Variants in CRADD observed in about 807,000 individuals in gnomAD.
CRADD encodes the protein CARD and death domain containing adaptor protein.
Under a neutral mutation model 15.5 loss-of-function variants are expected in CRADD, and 9 were observed. That is an observed-to-expected ratio of 0.58 (90% confidence interval 0.35 to 1.01). The LOEUF (loss-of-function observed/expected upper bound fraction) is 1.01. CRADD is among the 50% of genes least tolerant of loss of function. The probability of loss-of-function intolerance (pLI) is 0.02; values close to 1 mark genes in which losing one functional copy is unlikely to be tolerated. For missense variants in CRADD, 227 were observed against 250.3 expected, an observed-to-expected ratio of 0.91 and a Z score of 0.63; for synonymous variants, 118 against 107.6, an observed-to-expected ratio of 1.10 and a Z score of -0.60.
intron 2 of CRADD, among the ~76,000 whole-genome samples, chr12:93,816,279 C>T (rs142099875): frequency 0.02 from 3,030 of 152,070 alleles, 52 homozygotes; most frequent in South Asian, 0.048. Context: ...TGCAGTGGTG[C>T]GATCTCAGCT....
At chr12:93,763,383 C>G (rs1027541556) in intron 2 of CRADD, among the ~76,000 whole-genome samples, 11 of 149,458 alleles carry the variant, frequency 7.4e-5, no homozygotes, top group African/African-American at 2.7e-4. Flanking sequence ...AAAAAAAAAT[C>G]TGCTCAAAGG....
At chr12:93,762,736 A>C in intron 2 of CRADD, among the ~76,000 whole-genome samples, 1 of 151,858 alleles carries the variant, frequency 6.6e-6, no homozygotes, top group Non-Finnish European at 1.5e-5. Flanking sequence ...CTTTCCTACA[A>C]ACCCTTCCAG....
At chr12:93,744,734 GTAACATCAAATATTACT>G (rs1956727092) in intron 2 of CRADD, among the ~76,000 whole-genome samples, 1 of 152,100 alleles carries the variant, frequency 6.6e-6, no homozygotes, top group South Asian at 2.1e-4. Flanking sequence ...ATAAATCCAA[GTAACATCAAATATTACT>G]TATACATAAT....
chr12:93,849,856 T>C (rs1958188703), intron 2 of CRADD, 114 bp from the exon 3 acceptor site: 10 of 703,716 alleles, frequency 1.4e-5, no homozygotes, highest in East Asian at 2.7e-5. Flanking sequence ...CAAGAGCCAA[T>C]TGGCTCTGCC....
At chr12:93,699,484 AT>A (rs1297303798) in intron 2 of CRADD, among the ~76,000 whole-genome samples, 1 of 152,318 alleles carries the variant, frequency 6.6e-6, no homozygotes, top group East Asian at 1.9e-4. Context: ...TAGCATTTGA[AT>A]ACTAACCACA....
chr12:93,832,304 G>C, intron 2 of CRADD, among the ~76,000 whole-genome samples: 1 of 152,088 alleles, frequency 6.6e-6, no homozygotes, highest in Non-Finnish European at 1.5e-5. Context: ...GATTTTGCTT[G>C]GTAAATTTGC....
intron 2 of CRADD, among the ~76,000 whole-genome samples, chr12:93,885,808 G>A (rs941313893): frequency 2.6e-5 from 4 of 152,152 alleles, no homozygotes; most frequent in Non-Finnish European, 5.9e-5. Context: ...GGAGGCCGAG[G>A]CAGGTGGATC....
intron 2 of CRADD, among the ~76,000 whole-genome samples, chr12:93,753,004 G>T (rs145823700): frequency 1.3e-4 from 20 of 152,208 alleles, no homozygotes; most frequent in Admixed American, 9.8e-4. Flanking sequence ...TGAGAACAGC[G>T]CAGGAAAGAC....
At chr12:93,857,024 G>A (rs1427948388) in intron 2 of CRADD, among the ~76,000 whole-genome samples, 1 of 152,064 alleles carries the variant, frequency 6.6e-6, no homozygotes, top group Non-Finnish European at 1.5e-5. Context: ...ACAGTTCAGT[G>A]AGCCAATTAA....
intron 2 of CRADD, among the ~76,000 whole-genome samples, chr12:93,711,055 C>CCCCCCCCTTTT: frequency 3.2e-4 from 14 of 43,506 alleles, no homozygotes; most frequent in African/African-American, 5.1e-4. Flanking sequence ...CCACCCCCGC[C>CCCCCCCCTTTT]TTTTTTTTTT....
intron 2 of CRADD, among the ~76,000 whole-genome samples, chr12:93,794,931 A>G (rs1291471985): frequency 6.6e-6 from 1 of 152,150 alleles, no homozygotes; most frequent in African/African-American, 2.4e-5. Flanking sequence ...AGATCACCAT[A>G]AGGCTGGCTT....
intron 2 of CRADD, among the ~76,000 whole-genome samples, chr12:93,691,701 A>G (rs1486802036): frequency 6.6e-6 from 1 of 152,182 alleles, no homozygotes; most frequent in Admixed American, 6.5e-5. Flanking sequence ...AGAATGTGGA[A>G]GAGGGCCCTC....
intron 2 of CRADD, among the ~76,000 whole-genome samples, chr12:93,717,672 C>T (rs1339034014): frequency 6.6e-6 from 1 of 152,170 alleles, no homozygotes; most frequent in African/African-American, 2.4e-5. Context: ...AGGCATGCAC[C>T]ACCACATCTG....
chr12:93,687,042 G>A (rs1383673281), intron 2 of CRADD, among the ~76,000 whole-genome samples: 6 of 151,856 alleles, frequency 4.0e-5, no homozygotes, highest in East Asian at 1.9e-4. Context: ...AATGATGATC[G>A]TTCAGTACTG....
At chr12:93,819,883 T>C (rs996314838) in intron 2 of CRADD, among the ~76,000 whole-genome samples, 3 of 152,226 alleles carry the variant, frequency 2.0e-5, no homozygotes, top group African/African-American at 7.2e-5. Flanking sequence ...TTCGAAGGGA[T>C]TGATTCTCTA....
rs140232034 is a variant in CRADD, at chr12:93,892,456, G to A, written c.299-1594G>A. ...CCAGTGTAAGGATTACGTTGTGATT[G>A]CAACTGTGACGTAAGCATGTGAGAG... On this transcript the variant is annotated intron_variant, in intron 2 of 2. Coordinates refer to the CRADD transcript ENST00000548483. 7.2e-3 allele frequency among the ~76,000 whole-genome samples: 1,102 copies of A among 152,306 alleles called. 10 individuals are homozygous for A. Among genetic ancestry groups the A allele is most frequent in the African/African-American group, 0.025 (1,037 of 41,550 alleles).
At chr12:93,813,901 T>C (rs1234837413) in intron 2 of CRADD, among the ~76,000 whole-genome samples, 1 of 150,584 alleles carries the variant, frequency 6.6e-6, no homozygotes, top group East Asian at 1.9e-4. Flanking sequence ...TAGTTAAGAG[T>C]CCAGGGCCAG....
chr12:93,813,305 G>C (rs74801037), intron 2 of CRADD, among the ~76,000 whole-genome samples: 4 of 152,138 alleles, frequency 2.6e-5, no homozygotes, highest in Admixed American at 2.6e-4. Flanking sequence ...TCAAGAACAC[G>C]CAATAGTCTT....
At chr12:93,746,069 T>C (rs1044102197) in intron 2 of CRADD, among the ~76,000 whole-genome samples, 2 of 152,138 alleles carry the variant, frequency 1.3e-5, no homozygotes, top group African/African-American at 4.8e-5. Context: ...ACATGTAATA[T>C]AAAATTCTAT....
Sources: allele counts gnomAD v4.1 joint callset (sites outside exome capture counted in the v4.1 genomes callset), GRCh38; gene constraint gnomAD v4.1.1; transcripts MANE v1.5; gene names NCBI Gene and HGNC (gene_info 2026-07-23, HGNC 2026-07-21).